GRM8: variants seen among roughly 807,000 people sequenced by gnomAD.
GRM8 encodes the protein glutamate metabotropic receptor 8.
GRM8 carries 47 observed loss-of-function variants against 87.2 expected under a neutral mutation model. The ratio of observed to expected loss-of-function variants is 0.54; its 90% CI spans 0.43 to 0.69. The LOEUF is 0.69. Ranked by LOEUF, GRM8 falls within the 30% of genes least tolerant of loss-of-function variation. The pLI is 0.00. For synonymous variants in GRM8, 396 were observed against 404.5 expected (o/e 0.98, Z 0.25); for missense variants, 1,019 against 1,139.2 (o/e 0.89, Z 1.52).
At chr7:126,742,640 C>T (rs759544510) in intron 7 of GRM8, among the ~76,000 whole-genome samples, 13 of 151,768 alleles carry the variant, frequency 8.6e-5, no homozygotes, top group Non-Finnish European at 1.2e-4. Flanking sequence ...GGAATATAAC[C>T]GACAAACCAA....
chr7:126,676,724 CAAAGTTGATT>C (rs1806996773), intron 7 of GRM8, among the ~76,000 whole-genome samples: 1 of 152,104 alleles, frequency 6.6e-6, no homozygotes, highest in African/African-American at 2.4e-5. Flanking sequence ...AAAATTAACT[CAAAGTTGATT>C]AAATACTTAA....
At chr7:126,973,071 C>A (rs1001829633) in intron 3 of GRM8, among the ~76,000 whole-genome samples, 2 of 151,938 alleles carry the variant, frequency 1.3e-5, no homozygotes, top group Non-Finnish European at 2.9e-5. Context: ...ATTCCTATTG[C>A]AGGAGCATTG....
intron 8 of GRM8, among the ~76,000 whole-genome samples, chr7:126,602,409 G>A (rs1342169210): frequency 6.2e-5 from 7 of 113,260 alleles, no homozygotes; most frequent in East Asian, 3.1e-4. Flanking sequence ...TTGACTTGGC[G>A]ATGCGGGCTC....
intron 2 of GRM8, among the ~76,000 whole-genome samples, chr7:127,113,774 G>A (rs934309422): frequency 1.2e-4 from 18 of 152,230 alleles, no homozygotes; most frequent in African/African-American, 4.3e-4. Context: ...TCAAAAAAAA[G>A]CATAATTATT....
chr7:126,455,749 C>A (rs1051126824), intron 9 of GRM8, among the ~76,000 whole-genome samples: 4 of 151,644 alleles, frequency 2.6e-5, no homozygotes, highest in Non-Finnish European at 5.9e-5. Flanking sequence ...TCCCTACATG[C>A]AGAAGACATT....
chr7:126,984,603 C>T (rs1034048430), intron 3 of GRM8, among the ~76,000 whole-genome samples: 1 of 152,214 alleles, frequency 6.6e-6, no homozygotes, highest in Non-Finnish European at 1.5e-5. Flanking sequence ...AGCTTGCAGA[C>T]AGCCTATTGT....
chr7:126,821,484 GAA>G (rs1794296840), intron 6 of GRM8, among the ~76,000 whole-genome samples: 1 of 152,270 alleles, frequency 6.6e-6, no homozygotes, highest in East Asian at 1.9e-4. Flanking sequence ...AACAGGGAAT[GAA>G]AAAGTTTCCA....
chr7:127,024,426 T>C (rs960022030), intron 3 of GRM8, among the ~76,000 whole-genome samples: 3 of 152,026 alleles, frequency 2.0e-5, no homozygotes, highest in Admixed American at 1.3e-4. Context: ...TCATTAACAA[T>C]GACAACAACA....
intron 3 of GRM8, among the ~76,000 whole-genome samples, chr7:126,913,882 A>G (rs1352587069): frequency 6.6e-6 from 1 of 152,246 alleles, no homozygotes; most frequent in Non-Finnish European, 1.5e-5. Flanking sequence ...CATCACTGTA[A>G]AGAAAAAGTG....
intron 8 of GRM8, among the ~76,000 whole-genome samples, chr7:126,584,636 AT>A (rs547031166): frequency 5.3e-5 from 8 of 152,208 alleles, no homozygotes; most frequent in Non-Finnish European, 1.2e-4. Flanking sequence ...TCTATAAACC[AT>A]AAAAACTCCT....
At chr7:126,621,393 C>T (rs1251346029) in intron 7 of GRM8, among the ~76,000 whole-genome samples, 3 of 152,144 alleles carry the variant, frequency 2.0e-5, no homozygotes, top group Admixed American at 6.5e-5. Context: ...TACTTATTTC[C>T]AATTACCTTT....
chr7:127,024,972 T>C (rs185951549), intron 3 of GRM8, among the ~76,000 whole-genome samples: 44 of 152,216 alleles, frequency 2.9e-4, no homozygotes, highest in Middle Eastern at 3.4e-3. Context: ...ATTTATGTAA[T>C]AATTTTATGG....
At chr7:127,075,113 G>A (rs997168830) in intron 3 of GRM8, among the ~76,000 whole-genome samples, 1 of 152,144 alleles carries the variant, frequency 6.6e-6, no homozygotes, top group Admixed American at 6.6e-5. Flanking sequence ...TTTTCCCAGA[G>A]ATTTCTGTGG....
intron 3 of GRM8, among the ~76,000 whole-genome samples, chr7:126,925,812 G>A (rs771907437): frequency 7.2e-5 from 11 of 152,098 alleles, no homozygotes; most frequent in Non-Finnish European, 1.5e-4. Flanking sequence ...CCACAGAATT[G>A]ATGTAACCAA....
At chr7:126,464,875 T>C (rs1804313079) in intron 9 of GRM8, among the ~76,000 whole-genome samples, 1 of 151,774 alleles carries the variant, frequency 6.6e-6, no homozygotes, top group South Asian at 2.1e-4. Context: ...GTTGTTGTAG[T>C]TGTTATTTTT....
chr7:126,447,840 CT>C (rs1336878114), intron 9 of GRM8, among the ~76,000 whole-genome samples: 2 of 151,928 alleles, frequency 1.3e-5, no homozygotes, highest in East Asian at 3.9e-4. Flanking sequence ...TCATCTGCCA[CT>C]AAGGCTGTCC....
intron 7 of GRM8, among the ~76,000 whole-genome samples, chr7:126,660,371 G>C (rs1418259291): frequency 6.6e-6 from 1 of 152,020 alleles, no homozygotes. Context: ...CATAATATCT[G>C]GCACATAATA....
At chr7:126,847,561 G>T (rs1167504779) in intron 6 of GRM8, among the ~76,000 whole-genome samples, 4 of 152,118 alleles carry the variant, frequency 2.6e-5, no homozygotes, top group Non-Finnish European at 4.4e-5. Context: ...TAGTATTAGA[G>T]TTGGGGATCC....
chr7:126,989,688 T>C (rs1812444751), intron 3 of GRM8, among the ~76,000 whole-genome samples: 1 of 152,208 alleles, frequency 6.6e-6, no homozygotes, highest in African/African-American at 2.4e-5. Context: ...ATGCCTATGA[T>C]CCCAGCACTT....
Sources: gnomAD v4.1 joint callset for allele counts (sites outside exome capture counted in the v4.1 genomes callset) on GRCh38, gnomAD v4.1.1 for gene constraint, MANE v1.5 for transcripts, NCBI Gene and HGNC (gene_info 2026-07-23, HGNC 2026-07-21) for gene names.